PASD1: variants seen among roughly 807,000 people sequenced by gnomAD.
PASD1 encodes the protein circadian clock protein PASD1.
A neutral mutation model predicts 58.8 loss-of-function variants in PASD1; 13 were observed. The observed-to-expected ratio is 0.22, with a 90% CI of 0.14 to 0.35. The LOEUF (loss-of-function observed/expected upper bound fraction) is 0.35. Ranked by LOEUF, PASD1 falls within the 10% of genes least tolerant of loss-of-function variation. PASD1 has a pLI of 1.00. For synonymous variants in PASD1, 236 were observed against 216.7 expected (o/e 1.09, Z -0.78); for missense variants, 734 against 568.3 (o/e 1.29, Z -2.96).
intron 1 of PASD1, among the ~76,000 whole-genome samples, chrX:151,581,364 G>A (rs936016013): frequency 1.4e-4 from 15 of 109,666 alleles, no homozygotes; most frequent in African/African-American, 4.3e-4. Context: ...ACCAATGCAG[G>A]AGGATCCCCT....
In PASD1 at chrX:151,648,687, T is replaced by A. The variant is rs774519686; in HGVS notation, c.702T>A (p.Ala234=). Residue 234 remains alanine, a synonymous_variant, in exon 9 of 16, where the codon GCT becomes GCA. Transcript: ENST00000370357. ...TTGAACCCGCTGCTGCTGCTGCTGCTGCTGCTATCTCAGACGTATGTACAT... is the reference window on the plus strand; with the variant it reads ...TTGAACCCGCTGCTGCTGCTGCTGCAGCTGCTATCTCAGACGTATGTACAT... ...VYVEPAAAAA[A]AAISDDQIDI... The A allele has an allele frequency of 3.5e-5, 42 of 1,209,308 alleles. No homozygotes were observed. Among genetic ancestry groups the A allele is most frequent in the Non-Finnish European group, 4.6e-5 (41 of 894,886 alleles).
intron 8 of PASD1, among the ~76,000 whole-genome samples, chrX:151,633,578 C>T (rs1366018717): frequency 8.9e-6 from 1 of 111,771 alleles, no homozygotes; most frequent in Non-Finnish European, 1.9e-5. Flanking sequence ...TTTTATATAT[C>T]ATTTTCTTTA....
At chrX:151,656,126 T>G (rs1186465852) in intron 9 of PASD1, among the ~76,000 whole-genome samples, 33 of 111,985 alleles carry the variant, frequency 2.9e-4, no homozygotes, top group Non-Finnish European at 3.8e-4. Context: ...TTTCCCCATG[T>G]CTTGTTTTTG....
At chrX:151,670,094 G>A (rs917013881) in intron 11 of PASD1, among the ~76,000 whole-genome samples, 1 of 111,433 alleles carries the variant, frequency 9.0e-6, no homozygotes, top group East Asian at 2.8e-4. Flanking sequence ...TCTCTATATC[G>A]TCTACCTCTG....
chrX:151,630,219 C>T (rs191712863), intron 8 of PASD1, among the ~76,000 whole-genome samples: 106 of 111,522 alleles, frequency 9.5e-4, no homozygotes, highest in Non-Finnish European at 1.7e-3. Context: ...TCCCTCCCTC[C>T]TCCAACTCCA....
rs753574259 is a variant in PASD1 at position 151,622,984 on chromosome X, G to C, written c.466G>C (p.Asp156His). The change falls in exon 7 of 16, where the codon GAC becomes CAC. Residue 156 changes from aspartate to histidine, a missense_variant. Asp to His is a moderately conservative substitution (Grantham distance 81). Transcript: ENST00000370357. Reference sequence around the variant, plus strand: ...CTTGTTTTCCAGCCACCTCTGTGCTGACTTTGCTGCATGTGTTCCTCAGGA... The same window carrying C: ...CTTGTTTTCCAGCCACCTCTGTGCTCACTTTGCTGCATGTGTTCCTCAGGA... ...SGLFSSHLCA[D>H]FAACVPQEDR... is the part of the protein sequence containing the mutation. The C allele has an allele frequency of 8.3e-7, 1 of 1,207,448 alleles. No individual in the cohort carries two copies. Among genetic ancestry groups the C allele is most frequent in the African/African-American group, 1.8e-5 (1 of 57,131 alleles).
At chrX:151,598,299 G>C (rs1251899801) in intron 1 of PASD1, among the ~76,000 whole-genome samples, 1 of 111,422 alleles carries the variant, frequency 9.0e-6, no homozygotes, top group Non-Finnish European at 1.9e-5. Flanking sequence ...ATTTGGGCCA[G>C]AAAATATGGT....
At chrX:151,590,330 T>G (rs776714720) in intron 1 of PASD1, among the ~76,000 whole-genome samples, 2 of 111,920 alleles carry the variant, frequency 1.8e-5, no homozygotes, top group South Asian at 3.8e-4. Flanking sequence ...AACTCATGAA[T>G]TACAGTGCTT....
Position 151,601,548 on chromosome X carries a change from T to C in PASD1, c.-6T>C, listed in dbSNP as rs1165557085. 8.3e-7 allele frequency: 1 copy of C among 1,208,831 alleles called. No individual in the cohort carries two copies. Among genetic ancestry groups the C allele is most frequent in the Non-Finnish European group, 1.1e-6 (1 of 894,139 alleles). On this transcript the variant is annotated 5_prime_UTR_variant, in exon 2 of 16. Transcript: ENST00000370357. Reference sequence around the variant, plus strand: ...TCAGGAGTCTTCCTACGTCACTGAATAATGAATGAAGATGAGAGGGGAAAA... The same window carrying C: ...TCAGGAGTCTTCCTACGTCACTGAACAATGAATGAAGATGAGAGGGGAAAA...
chrX:151,632,876 A>G (rs775057326), intron 8 of PASD1, among the ~76,000 whole-genome samples: 1 of 98,591 alleles, frequency 1.0e-5, no homozygotes, highest in Non-Finnish European at 2.0e-5. Flanking sequence ...AGGCTCAAAT[A>G]AAAAAAAAAA....
chrX:151,613,879 T>C (rs1292938108), intron 4 of PASD1, among the ~76,000 whole-genome samples: 1 of 111,748 alleles, frequency 8.9e-6, no homozygotes, highest in African/African-American at 3.3e-5. Context: ...GTCTGAGAAG[T>C]CGAAGATTAA....
Position 151,570,720 on chromosome X carries a change from T to TCC in PASD1, c.-28+6883_-28+6884dup, listed in dbSNP as rs1204126685. Among the ~76,000 whole-genome samples the TCC allele has an allele frequency of 3.6e-5, 4 of 112,377 alleles. No individual in the cohort carries two copies. The Admixed American group carries it at 3.8e-4, about 11-fold the overall frequency. On this transcript the variant is annotated intron_variant, in intron 1 of 15. Transcript: ENST00000370357. ...CGCCAGAAGCCCTAGCTGTGGTCAC[T>TCC]CCCTCATGGAGCACCTTTTCGGTCT...
intron 4 of PASD1, among the ~76,000 whole-genome samples, chrX:151,619,536 A>G (rs1379456131): frequency 5.4e-5 from 6 of 111,501 alleles, no homozygotes; most frequent in Non-Finnish European, 1.1e-4. Context: ...CAAATTGTGA[A>G]GGAGTAGCCT....
intron 1 of PASD1, among the ~76,000 whole-genome samples, chrX:151,593,205 C>CT (rs1198008730): frequency 2.7e-5 from 3 of 110,267 alleles, no homozygotes; most frequent in African/African-American, 9.9e-5. Context: ...TTTTATCCCA[C>CT]TTTTTTGTAG....
chrX:151,599,409 G>A (rs1165849748), intron 1 of PASD1, among the ~76,000 whole-genome samples: 3 of 109,858 alleles, frequency 2.7e-5, no homozygotes, highest in African/African-American at 6.6e-5. Flanking sequence ...GGGCAGAGGC[G>A]CCCCCCACCT....
chrX:151,624,345 T>A lies in PASD1; in HGVS notation c.547-1103T>A, dbSNP rs368240902. Among the ~76,000 whole-genome samples, 49 of 110,992 alleles carry A rather than the reference T, an allele frequency of 4.4e-4. No homozygotes were observed. The East Asian group carries it at 5.7e-3, about 13-fold the overall frequency. The stretch of plus-strand genomic sequence containing the variant: ...GACTGGGACAATGTGGATCAGGCAG[T>A]GTGGGAGGCTAGAATCAAGAGCACT... On this transcript the variant is annotated intron_variant, in intron 7 of 15. Coordinates refer to ENST00000370357, the MANE Select transcript of PASD1 (RefSeq NM_173493.3).
At chrX:151,594,023 G>A (rs1451757249) in intron 1 of PASD1, among the ~76,000 whole-genome samples, 1 of 111,397 alleles carries the variant, frequency 9.0e-6, no homozygotes, top group Non-Finnish European at 1.9e-5. Context: ...ACCCAGGCTG[G>A]AATGCAGTGG....
chrX:151,606,178 T>A (rs1312622585), intron 3 of PASD1, among the ~76,000 whole-genome samples: 16 of 85,674 alleles, frequency 1.9e-4, no homozygotes, highest in Non-Finnish European at 2.4e-5. Flanking sequence ...TAGAAAAGTC[T>A]GTTCTTTATT....
chrX:151,599,706 G>A (rs2124250181), intron 1 of PASD1, among the ~76,000 whole-genome samples: 1 of 107,747 alleles, frequency 9.3e-6, no homozygotes, highest in Non-Finnish European at 1.9e-5. Flanking sequence ...CCCAGACAAT[G>A]GGCGGCCGGG....
Sources: allele counts gnomAD v4.1 joint callset (sites outside exome capture counted in the v4.1 genomes callset), GRCh38; gene constraint gnomAD v4.1.1; transcripts MANE v1.5; gene names NCBI Gene and HGNC (gene_info 2026-07-23, HGNC 2026-07-21).